The following MERTK variants were observed in gnomAD, a reference collection of about 807,000 sequenced individuals.
The protein encoded by MERTK is tyrosine-protein kinase Mer.
Under a neutral mutation model 99.3 loss-of-function variants are expected in MERTK, and 69 were observed. The observed-to-expected ratio is 0.70, with a 90% CI of 0.57 to 0.85. The LOEUF (loss-of-function observed/expected upper bound fraction) is 0.85, where lower values mean the gene tolerates loss of function less well. MERTK is among the 40% of genes least tolerant of loss of function. MERTK has a pLI of 0.00. For synonymous variants in MERTK, 426 were observed against 467.6 expected (o/e 0.91, Z 1.15); for missense variants, 1,125 against 1,249.4 (o/e 0.90, Z 1.50).
intron 7 of MERTK, among the ~76,000 whole-genome samples, chr2:111,978,557 A>G (rs116442950): frequency 6.6e-6 from 1 of 152,114 alleles, no homozygotes; most frequent in Non-Finnish European, 1.5e-5. Flanking sequence ...CAGCCTCCCA[A>G]AATGTTTATA....
chr2:111,919,804 T>TC (rs1684421089), intron 1 of MERTK, among the ~76,000 whole-genome samples: 1 of 150,424 alleles, frequency 6.6e-6, no homozygotes, highest in Admixed American at 6.6e-5. Flanking sequence ...CTTTTCTTTT[T>TC]TTTTTTTTTT....
Position 111,994,397 on chromosome 2 carries a change from T to C in MERTK, c.1443T>C (p.Pro481=). 6.2e-7 allele frequency: 1 copy of C among 1,614,122 alleles called. No homozygotes were observed. Residue 481 remains proline (P), a synonymous_variant, in exon 9 of 19, where the codon CCT becomes CCC. Transcript: ENST00000295408. ...PFSDPVKIFI[P]AHGWVDYAPS... Reference sequence around the variant, plus strand: ...GTGATCCAGTGAAAATATTTATCCCTGCACACGGTGAGAGCTATACCCAGT... The same window carrying C: ...GTGATCCAGTGAAAATATTTATCCCCGCACACGGTGAGAGCTATACCCAGT...
At chr2:111,900,786 A>C (rs764746985) in intron 1 of MERTK, among the ~76,000 whole-genome samples, 26 of 152,196 alleles carry the variant, frequency 1.7e-4, no homozygotes, top group Admixed American at 3.9e-4. Flanking sequence ...AAAGAATGGG[A>C]TTCTCACTGG....
At chr2:111,969,603 A>G (rs1426618961) in intron 6 of MERTK, among the ~76,000 whole-genome samples, 2 of 151,584 alleles carry the variant, frequency 1.3e-5, no homozygotes, top group African/African-American at 2.4e-5. Context: ...TCCCACTTTT[A>G]TCTAACAGGT....
chr2:111,946,646 C>T (rs919435170), intron 3 of MERTK, among the ~76,000 whole-genome samples: 4 of 152,212 alleles, frequency 2.6e-5, no homozygotes, highest in African/African-American at 9.7e-5. Flanking sequence ...TATGACCCAT[C>T]TGAAAGTCAC....
intron 1 of MERTK, among the ~76,000 whole-genome samples, chr2:111,909,417 T>G (rs1293572298): frequency 6.6e-6 from 1 of 152,018 alleles, no homozygotes; most frequent in Non-Finnish European, 1.5e-5. Flanking sequence ...ATTAAACAAG[T>G]TTTACTGGGG....
At chr2:111,998,541 G>T (rs1314017725) in intron 10 of MERTK, among the ~76,000 whole-genome samples, 1 of 152,172 alleles carries the variant, frequency 6.6e-6, no homozygotes, top group African/African-American at 2.4e-5. Context: ...ATTAAAAATG[G>T]CAACTGTAAT....
intron 4 of MERTK, among the ~76,000 whole-genome samples, chr2:111,961,707 A>G (rs1219317454): frequency 6.6e-6 from 1 of 152,164 alleles, no homozygotes; most frequent in African/African-American, 2.4e-5. Context: ...ACAACCTTCC[A>G]TCTAGATGGA....
intron 1 of MERTK, among the ~76,000 whole-genome samples, chr2:111,917,347 A>G (rs1405634577): frequency 6.6e-6 from 1 of 152,020 alleles, no homozygotes; most frequent in Non-Finnish European, 1.5e-5. Context: ...TAGATTTCTC[A>G]CTTGACTTTT....
intron 7 of MERTK, 78 bp downstream of exon 7, chr2:111,975,550 G>A: frequency 6.7e-7 from 1 of 1,484,848 alleles, no homozygotes; most frequent in Non-Finnish European, 9.4e-7. Flanking sequence ...GCCTGACTGA[G>A]AGTTGAAACT....
intron 1 of MERTK, among the ~76,000 whole-genome samples, chr2:111,918,036 C>T (rs974773945): frequency 3.9e-5 from 6 of 152,084 alleles, no homozygotes; most frequent in African/African-American, 1.4e-4. Context: ...AACTCTGTAA[C>T]CATTAAACAC....
At chr2:111,981,535 A>G (rs191866955) in intron 7 of MERTK, among the ~76,000 whole-genome samples, 13 of 152,258 alleles carry the variant, frequency 8.5e-5, no homozygotes, top group Admixed American at 5.9e-4. Flanking sequence ...TTGACCAAGC[A>G]TTGCATTTAT....
At chr2:111,925,434 T>G (rs1684545209) in intron 1 of MERTK, among the ~76,000 whole-genome samples, 1 of 150,110 alleles carries the variant, frequency 6.7e-6, no homozygotes, top group African/African-American at 2.5e-5. Context: ...CCTGAGTAGC[T>G]GGGATTACAG....
intron 4 of MERTK, 101 bp from the exon 5 acceptor site, chr2:111,965,090 C>G: frequency 2.5e-6 from 3 of 1,183,950 alleles, no homozygotes; most frequent in Admixed American, 3.7e-5. Context: ...GCCCAAAAGC[C>G]ATGAACCAAG....
intron 2 of MERTK, among the ~76,000 whole-genome samples, chr2:111,931,635 A>C (rs1329884338): frequency 6.6e-6 from 1 of 151,956 alleles, no homozygotes; most frequent in Non-Finnish European, 1.5e-5. Flanking sequence ...GCAGTAAGCC[A>C]AGATTGCACC....
intron 16 of MERTK, among the ~76,000 whole-genome samples, 162 bp downstream of exon 16, chr2:112,019,684 G>T (rs1427655426): frequency 1.3e-5 from 2 of 152,158 alleles, no homozygotes; most frequent in African/African-American, 4.8e-5. Flanking sequence ...GGGTGTTTGG[G>T]AGTTTTCACT....
intron 2 of MERTK, among the ~76,000 whole-genome samples, chr2:111,932,400 C>G (rs1272035186): frequency 6.6e-6 from 1 of 152,144 alleles, no homozygotes; most frequent in Non-Finnish European, 1.5e-5. Context: ...CCAGGATGGT[C>G]TCAATCTCCT....
intron 4 of MERTK, among the ~76,000 whole-genome samples, chr2:111,956,769 C>A (rs1379594528): frequency 5.3e-5 from 8 of 151,842 alleles, no homozygotes. Flanking sequence ...CAAGCAAATC[C>A]CCCTACCTCA....
chr2:111,934,466 A>G (rs549630195), intron 2 of MERTK, among the ~76,000 whole-genome samples: 9 of 152,286 alleles, frequency 5.9e-5, no homozygotes, highest in East Asian at 3.9e-4. Context: ...CATTTCTCCA[A>G]TGACCAATAA....
Sources: allele counts gnomAD v4.1 joint callset (sites outside exome capture counted in the v4.1 genomes callset), GRCh38; gene constraint gnomAD v4.1.1; transcripts MANE v1.5; gene names NCBI Gene and HGNC (gene_info 2026-07-23, HGNC 2026-07-21).